LDB3: variants seen among roughly 807,000 people sequenced by gnomAD.
The protein encoded by LDB3 is LIM domain-binding protein 3.
A neutral mutation model predicts 69.0 loss-of-function variants in LDB3; 49 were observed. The observed-to-expected ratio is 0.71, with a 90% CI of 0.56 to 0.90. The LOEUF (loss-of-function observed/expected upper bound fraction) is 0.90, where lower values mean the gene tolerates loss of function less well. Among genes scored for constraint, LDB3 ranks in the 40% least tolerant of loss-of-function variants. LDB3 has a pLI of 0.00. For missense variants in LDB3, 928 were observed against 974.1 expected (o/e 0.95, Z 0.63); for synonymous variants, 387 against 396.2 (o/e 0.98, Z 0.28).
chr10:86,733,183 A>G lies in LDB3; in HGVS notation c.*207A>G, dbSNP rs1847534748. On this transcript the variant is annotated 3_prime_UTR_variant, in exon 14 of 14. Coordinates refer to ENST00000361373, the MANE Select transcript of LDB3 (RefSeq NM_007078.3). ...ACTAGGAGCCAAATGAAGACTCAAA[A>G]CCAAGCTAGTTATTAATCCAAGACT... 3 of 547,280 alleles carry G rather than the reference A, an allele frequency of 5.5e-6. No individual in the cohort carries two copies. Among genetic ancestry groups the G allele is most frequent in the Non-Finnish European group, 9.9e-6 (3 of 303,160 alleles). 33.9% of individuals were successfully genotyped at this position (547,280 alleles called of 1,614,324 possible).
At chr10:86,689,480 G>T (rs1181430640) in intron 5 of LDB3, among the ~76,000 whole-genome samples, 2 of 152,238 alleles carry the variant, frequency 1.3e-5, no homozygotes, top group Non-Finnish European at 2.9e-5. Context: ...TCCAAATAAT[G>T]TCACTGTGGT....
chr10:86,716,124 T>C (rs962485368), intron 9 of LDB3, among the ~76,000 whole-genome samples: 3 of 152,116 alleles, frequency 2.0e-5, no homozygotes, highest in African/African-American at 7.2e-5. Flanking sequence ...TCTGCTGTGC[T>C]TGCTCCCTAG....
chr10:86,667,797 A>G (rs1400120045), upstream of LDB3, among the ~76,000 whole-genome samples: 7 of 152,188 alleles, frequency 4.6e-5, no homozygotes, highest in African/African-American at 1.4e-4. Flanking sequence ...CAAGGGGTGC[A>G]GGCAGAGGGC....
rs543920355 is a variant in LDB3 at position 86,709,549 on chromosome 10, G to C, written c.1086-356G>C. Among the ~76,000 whole-genome samples the C allele has an allele frequency of 2.0e-5, 3 of 152,286 alleles. No homozygotes were observed. The South Asian group carries it at 6.2e-4, about 32-fold the overall frequency. On this transcript the variant is annotated intron_variant, in intron 8 of 13. Coordinates refer to ENST00000361373, the MANE Select transcript of LDB3 (RefSeq NM_007078.3). The stretch of plus-strand genomic sequence containing the variant: ...GTCAGGGGCTGAGGTGCCCCACAAG[G>C]TCGTGGGGGTAGGTAGTTCTGACCA...
chr10:86,713,300 A>G (rs1846738701), intron 9 of LDB3, among the ~76,000 whole-genome samples: 1 of 152,010 alleles, frequency 6.6e-6, no homozygotes. Flanking sequence ...AGGCTGGAGT[A>G]CAATGGCACG....
intron 8 of LDB3, among the ~76,000 whole-genome samples, chr10:86,707,743 T>G (rs1846497169): frequency 6.6e-6 from 1 of 152,144 alleles, no homozygotes; most frequent in Non-Finnish European, 1.5e-5. Context: ...CTTGCAGGCC[T>G]GTCTGCTGCC....
intron 9 of LDB3, among the ~76,000 whole-genome samples, 165 bp from the exon 10 acceptor site, chr10:86,716,162 A>T (rs2132481011): frequency 6.6e-6 from 1 of 152,284 alleles, no homozygotes; most frequent in African/African-American, 2.4e-5. Flanking sequence ...TGAGAATTCA[A>T]ATCTGGGCCA....
Position 86,681,892 on chromosome 10 carries a change from G to A in LDB3, c.689+89G>A, listed in dbSNP as rs551288539. 2.4e-5 allele frequency: 33 copies of A among 1,348,170 alleles called. No individual in the cohort carries two copies. The East Asian group carries it at 4.9e-4, about 20-fold the overall frequency. The allele number at this position is 1,348,170 out of a possible 1,614,324, so 83.5% of individuals were successfully genotyped here. A position where few individuals can be genotyped will look rare whatever the true frequency, so the allele number is the denominator to read the frequency against. On this transcript the variant is annotated intron_variant, in intron 5 of 13. Coordinates refer to ENST00000361373, the MANE Select transcript of LDB3 (RefSeq NM_007078.3). The stretch of plus-strand genomic sequence containing the variant: ...AGAGACCTGGTCAGGTGGTCAGAGC[G>A]AGGCACTGGCCCCAATCCAGCCAGC...
Position 86,716,564 on chromosome 10 carries a change from G to A in LDB3, c.1469G>A (p.Trp490Ter). 6.2e-7 allele frequency: 1 copy of A among 1,613,584 alleles called. No individual in the cohort carries two copies. Among genetic ancestry groups the A allele is most frequent in the Non-Finnish European group, 8.5e-7 (1 of 1,179,908 alleles). ...GCGGAGCCTGCCAGCCGTCCACCCT[G>A]GGTGACAGATGATAGCTTCTCCCAG... ...GPAEPASRPP[W>*]VTDDSFSQKF... The change falls in exon 10 of 14, where the codon TGG becomes TAG. Residue 490 changes from tryptophan (W) to a stop codon, truncating the protein, a stop_gained. Transcript: ENST00000361373. LOFTEE classifies it high-confidence loss of function.
intron 7 of LDB3, among the ~76,000 whole-genome samples, chr10:86,705,406 A>G (rs1846404665): frequency 6.6e-6 from 1 of 152,254 alleles, no homozygotes; most frequent in Admixed American, 6.5e-5. Flanking sequence ...CAGAAGCTGC[A>G]TTTATCCAGT....
chr10:86,732,832 A>G (rs751818271), intron 13 of LDB3, 55 bp from the exon 14 acceptor site: 12 of 1,426,054 alleles, frequency 8.4e-6, no homozygotes, highest in South Asian at 8.2e-5. Context: ...AGTGATTGAA[A>G]TCTGCTCATG....
chr10:86,668,152 A>G (rs1388952882), upstream of LDB3, among the ~76,000 whole-genome samples: 1 of 152,210 alleles, frequency 6.6e-6, no homozygotes, highest in Admixed American at 6.5e-5. Context: ...GATAAAGCAC[A>G]ACCCCAGAAT....
At chr10:86,725,264 T>C (rs533726099) in intron 12 of LDB3, among the ~76,000 whole-genome samples, 15 of 152,358 alleles carry the variant, frequency 9.8e-5, no homozygotes, top group East Asian at 7.7e-4. Context: ...GCACAGAACC[T>C]GACCCACTGT....
chr10:86,715,939 G>A (rs1846849564), intron 9 of LDB3, among the ~76,000 whole-genome samples: 1 of 152,176 alleles, frequency 6.6e-6, no homozygotes, highest in African/African-American at 2.4e-5. Context: ...GAGTGCAACT[G>A]AAAGCATCTT....
intron 5 of LDB3, among the ~76,000 whole-genome samples, chr10:86,682,888 G>A (rs1845242470): frequency 6.6e-6 from 1 of 152,188 alleles, no homozygotes; most frequent in Non-Finnish European, 1.5e-5. Flanking sequence ...CCTTGCAGCA[G>A]AAGGCACCTG....
At chr10:86,668,852 C>T (rs1349479712) in intron 2 of LDB3, 68 bp downstream of exon 2, 28 of 1,194,924 alleles carry the variant, frequency 2.3e-5, no homozygotes, top group Admixed American at 2.1e-4. Flanking sequence ...CATGTGTGTC[C>T]GTCTGTCTGT....
intron 4 of LDB3, 110 bp from the exon 5 acceptor site, chr10:86,681,326 T>G: frequency 1.3e-6 from 2 of 1,520,490 alleles, no homozygotes; most frequent in Non-Finnish European, 9.0e-7. Context: ...GGCTTCAGGC[T>G]GCGGGGCTCG....
At position 86,716,369 on chromosome 10, in the gene LDB3, G is replaced by A. The variant is rs370073528; in HGVS notation, c.1274G>A (p.Ser425Asn). Reference sequence around the variant, plus strand: ...AGCCCGTCCCCAGGGGCCAATTACAGTCCCACTCCCTACACCCCCTCCCCT... The same window carrying A: ...AGCCCGTCCCCAGGGGCCAATTACAATCCCACTCCCTACACCCCCTCCCCT... ...TYSPSPGANYSPTPYTPSPAP... is the reference protein window; with the variant it reads ...TYSPSPGANYNPTPYTPSPAP... The change falls in exon 10 of 14, where the codon AGT becomes AAT. Residue 425 changes from serine (S) to asparagine (N), a missense_variant. Ser to Asn is a conservative substitution (Grantham distance 46). Coordinates refer to ENST00000361373, the MANE Select transcript of LDB3 (RefSeq NM_007078.3). 1.9e-6 allele frequency: 3 copies of A among 1,609,492 alleles called. No individual in the cohort carries two copies. Among genetic ancestry groups the A allele is most frequent in the African/African-American group, 2.7e-5 (2 of 74,024 alleles).
intron 7 of LDB3, among the ~76,000 whole-genome samples, chr10:86,694,383 C>G (rs1371666678): frequency 2.6e-5 from 4 of 152,176 alleles, no homozygotes; most frequent in Non-Finnish European, 4.4e-5. Flanking sequence ...CAAAAGGCAG[C>G]TTTCGGAGCC....
Sources: gnomAD v4.1 joint callset for allele counts (sites outside exome capture counted in the v4.1 genomes callset) on GRCh38, gnomAD v4.1.1 for gene constraint, MANE v1.5 for transcripts, NCBI Gene and HGNC (gene_info 2026-07-23, HGNC 2026-07-21) for gene names.